CHIC1: variants seen among roughly 807,000 people sequenced by gnomAD.
CHIC1 encodes the protein cysteine rich hydrophobic domain 1.
Under a neutral mutation model 18.5 loss-of-function variants are expected in CHIC1, and 7 were observed. The observed-to-expected ratio is 0.38, with a 90% confidence interval of 0.22 to 0.71. The LOEUF is 0.71. Ranked by LOEUF, CHIC1 falls within the 30% of genes least tolerant of loss-of-function variation. CHIC1 has a pLI of 0.49. For missense variants in CHIC1, 159 were observed against 176.9 expected (o/e 0.90, Z 0.57); for synonymous variants, 77 against 73.5 (o/e 1.05, Z -0.25).
intron 3 of CHIC1, among the ~76,000 whole-genome samples, chrX:73,647,293 G>A (rs945665265): frequency 2.7e-5 from 3 of 112,160 alleles, no homozygotes; most frequent in African/African-American, 9.7e-5. Flanking sequence ...TTTCTAGTTA[G>A]AACTTAACTA....
intron 3 of CHIC1, among the ~76,000 whole-genome samples, chrX:73,590,036 C>T (rs2057573928): frequency 9.0e-6 from 1 of 111,002 alleles, no homozygotes. Context: ...TTCAAGATTT[C>T]CCTCTTTGTT....
intron 3 of CHIC1, among the ~76,000 whole-genome samples, chrX:73,643,728 TAAGGACTTC>T (rs1451514697): frequency 8.9e-6 from 1 of 112,207 alleles, no homozygotes; most frequent in Non-Finnish European, 1.9e-5. Flanking sequence ...TCAACTCCTT[TAAGGACTTC>T]TCTGCATTGG....
At chrX:73,672,205 T>A (rs188571409) in intron 3 of CHIC1, among the ~76,000 whole-genome samples, 11 of 111,986 alleles carry the variant, frequency 9.8e-5, no homozygotes, top group Non-Finnish European at 1.9e-4. Flanking sequence ...TCTTTGCTAT[T>A]GTGAATAGTG....
intron 3 of CHIC1, among the ~76,000 whole-genome samples, chrX:73,657,504 A>T (rs113858108): frequency 0.089 from 9,913 of 111,889 alleles, 363 homozygotes; most frequent in Non-Finnish European, 0.11. Context: ...TTGCTTATCA[A>T]CTTAAGCTTT....
At position 73,574,276 on chromosome X, in the gene CHIC1, G is replaced by A. The variant is rs761221396; in HGVS notation, c.297-3131G>A. Among the ~76,000 whole-genome samples the A allele has an allele frequency of 4.5e-5, 5 of 110,711 alleles. No homozygotes were observed. The East Asian group carries it at 8.5e-4, about 19-fold the overall frequency. On this transcript the variant is annotated intron_variant, in intron 1 of 5. Transcript: ENST00000373502. ...CCAACCTTGCATCCCAGGAATAAAG[G>A]CTGTTTGATCGTGGTGAATTAACTT... is the stretch of plus-strand genomic sequence containing the variant.
chrX:73,573,137 G>A (rs779188902), intron 1 of CHIC1, among the ~76,000 whole-genome samples: 1 of 111,358 alleles, frequency 9.0e-6, no homozygotes, highest in Non-Finnish European at 1.9e-5. Context: ...GACAGGTAGT[G>A]TTCCAGCTTA....
intron 5 of CHIC1, among the ~76,000 whole-genome samples, chrX:73,680,098 CT>C (rs60843988): frequency 0.074 from 6,329 of 85,872 alleles, 223 homozygotes; most frequent in African/African-American, 0.12. Flanking sequence ...CTATTACTGG[CT>C]TTTTTTTTTT....
intron 3 of CHIC1, among the ~76,000 whole-genome samples, chrX:73,676,047 C>T (rs954650770): frequency 2.7e-5 from 3 of 111,697 alleles, no homozygotes; most frequent in African/African-American, 9.8e-5. Context: ...TTTAAGAATG[C>T]TGAATATTGG....
chrX:73,653,399 CTTCTG>C (rs1199621784), intron 3 of CHIC1, among the ~76,000 whole-genome samples: 2 of 111,815 alleles, frequency 1.8e-5, no homozygotes, highest in Admixed American at 9.5e-5. Flanking sequence ...ACTTCAGGGT[CTTCTG>C]TTCTGTCCTG....
chrX:73,655,649 GTA>G (rs75147852), intron 3 of CHIC1, among the ~76,000 whole-genome samples: 1,201 of 67,556 alleles, frequency 0.018, 30 homozygotes, highest in Middle Eastern at 0.06. Flanking sequence ...GTGTGTGTGT[GTA>G]TATATATATA....
intron 3 of CHIC1, among the ~76,000 whole-genome samples, chrX:73,637,009 C>A (rs1250667370): frequency 1.8e-5 from 2 of 111,680 alleles, no homozygotes; most frequent in Non-Finnish European, 3.8e-5. Context: ...ATATTGACCT[C>A]TGGCATTGAG....
chrX:73,580,696 TA>T (rs1718183025), intron 2 of CHIC1, among the ~76,000 whole-genome samples: 1 of 110,909 alleles, frequency 9.0e-6, no homozygotes, highest in African/African-American at 3.3e-5. Context: ...TAACAGCTCT[TA>T]CATTAAAATA....
intron 3 of CHIC1, among the ~76,000 whole-genome samples, chrX:73,673,762 C>G (rs192857213): frequency 1.4e-4 from 16 of 111,573 alleles, no homozygotes; most frequent in African/African-American, 5.2e-4. Context: ...ACTAATTGCC[C>G]TGGCCAGAAC....
At chrX:73,601,943 A>C (rs2147567330) in intron 3 of CHIC1, among the ~76,000 whole-genome samples, 1 of 105,043 alleles carries the variant, frequency 9.5e-6, no homozygotes, top group East Asian at 2.9e-4. Flanking sequence ...CCTCTATGCA[A>C]ATAAACTAGA....
At chrX:73,653,466 C>T (rs1352102034) in intron 3 of CHIC1, among the ~76,000 whole-genome samples, 1 of 111,901 alleles carries the variant, frequency 8.9e-6, no homozygotes, top group African/African-American at 3.2e-5. Context: ...GTTACTGTAG[C>T]TTAGTAGTAT....
In CHIC1 at chrX:73,599,565, C is replaced by T. The variant is rs756105130; in HGVS notation, c.507+14993C>T. ...TTTCTACATCTGGCTAGCCAGTTTT[C>T]CCAGCACCATTTATTAAATAGGAAA... On this transcript the variant is annotated intron_variant, in intron 3 of 5. Transcript: ENST00000373502. 7.0e-3 allele frequency among the ~76,000 whole-genome samples: 733 copies of T among 105,141 alleles called. 64 individuals are homozygous for T. Among genetic ancestry groups the T allele is most frequent in the African/African-American group, 0.028 (721 of 26,172 alleles). The allele number at this position is 105,141 out of a possible 115,157, so 91.3% of individuals were successfully genotyped here.
At chrX:73,620,578 T>C (rs901188872) in intron 3 of CHIC1, among the ~76,000 whole-genome samples, 6 of 112,186 alleles carry the variant, frequency 5.3e-5, no homozygotes, top group Non-Finnish European at 9.4e-5. Context: ...TTGTTTAAGT[T>C]CCTTGTAGAT....
chrX:73,666,401 C>A (rs1449028919), intron 3 of CHIC1, among the ~76,000 whole-genome samples: 2 of 111,939 alleles, frequency 1.8e-5, no homozygotes, highest in Non-Finnish European at 3.8e-5. Context: ...GTCCAATGTT[C>A]AAGGGTAGGA....
intron 3 of CHIC1, among the ~76,000 whole-genome samples, chrX:73,612,727 A>G (rs1242055184): frequency 8.9e-6 from 1 of 112,340 alleles, no homozygotes; most frequent in African/African-American, 3.2e-5. Context: ...ATGTGCCAAC[A>G]TATGGTTTAT....
Sources: gnomAD v4.1 joint callset for allele counts (sites outside exome capture counted in the v4.1 genomes callset) on GRCh38, gnomAD v4.1.1 for gene constraint, MANE v1.5 for transcripts, NCBI Gene and HGNC (gene_info 2026-07-23, HGNC 2026-07-21) for gene names.